The following PPARGC1B variants were observed in gnomAD, a reference collection of about 807,000 sequenced individuals.
PPARGC1B encodes the protein PPARG coactivator 1 beta, also known as peroxisome proliferator-activated receptor gamma coactivator 1-beta.
PPARGC1B carries 34 observed loss-of-function variants against 101.6 expected under a neutral mutation model. The observed-to-expected ratio is 0.33, with a 90% CI of 0.25 to 0.45. PPARGC1B has a LOEUF of 0.45. Among genes scored for constraint, PPARGC1B ranks in the 20% least tolerant of loss-of-function variants. The pLI is 1.00. For missense variants in PPARGC1B, 1,234 were observed against 1,317.6 expected (o/e 0.94, Z 0.98); for synonymous variants, 548 against 539.3 (o/e 1.02, Z -0.22).
intron 1 of PPARGC1B, among the ~76,000 whole-genome samples, chr5:149,769,462 T>G (rs1756040530): frequency 6.6e-6 from 1 of 152,188 alleles, no homozygotes; most frequent in African/African-American, 2.4e-5. Flanking sequence ...TCCCACTGAT[T>G]CGGGGAGCTC....
intron 1 of PPARGC1B, among the ~76,000 whole-genome samples, chr5:149,779,868 C>T (rs536547239): frequency 9.2e-5 from 14 of 152,282 alleles, no homozygotes; most frequent in Non-Finnish European, 2.1e-4. Context: ...AGGCTTAGTG[C>T]TCCATGATTG....
chr5:149,811,842 T>A (rs554966311), intron 1 of PPARGC1B, among the ~76,000 whole-genome samples: 42 of 152,342 alleles, frequency 2.8e-4, no homozygotes, highest in African/African-American at 8.7e-4. Flanking sequence ...GCTTTCTCCA[T>A]CCTGTTGCCC....
rs757865281 is a variant in PPARGC1B at position 149,840,085 on chromosome 5, G to A, written c.2663G>A (p.Arg888Gln). 1.7e-5 allele frequency: 28 copies of A among 1,613,794 alleles called. No homozygotes were observed. The highest frequency in any genetic ancestry group is 6.6e-5 in the South Asian group (6 of 91,038). ...TGTTCAGACAGAACGCCAAGCATCC[G>A]GCACGCCAGGAAGCGGCGGGAAAAG... ...GPCSDRTPSIRHARKRREKAI... is the reference protein window; with the variant it reads ...GPCSDRTPSIQHARKRREKAI... Residue 888 changes from arginine (R) to glutamine (Q), a missense_variant, in exon 9 of 12, where the codon CGG (arginine) becomes CAG (glutamine). Arg to Gln is a conservative substitution (Grantham distance 43, BLOSUM62 1). Coordinates refer to ENST00000309241, the MANE Select transcript of PPARGC1B (RefSeq NM_133263.4).
At chr5:149,802,688 G>A (rs1256337081) in intron 1 of PPARGC1B, among the ~76,000 whole-genome samples, 1 of 151,386 alleles carries the variant, frequency 6.6e-6, no homozygotes, top group Non-Finnish European at 1.5e-5. Flanking sequence ...CTACAGATGG[G>A]GCAGCTGGGG....
At chr5:149,806,945 T>A (rs979053904) in intron 1 of PPARGC1B, among the ~76,000 whole-genome samples, 2 of 151,632 alleles carry the variant, frequency 1.3e-5, no homozygotes, top group African/African-American at 4.9e-5. Context: ...GTACCTAACA[T>A]AAAATTTACC....
intron 8 of PPARGC1B, 135 bp from the exon 9 acceptor site, chr5:149,839,906 C>T (rs1043492485): frequency 3.6e-6 from 3 of 843,872 alleles, no homozygotes; most frequent in Admixed American, 2.0e-5. Flanking sequence ...TAGGTTTCTG[C>T]GGGAGGCAGT....
intron 1 of PPARGC1B, among the ~76,000 whole-genome samples, chr5:149,810,706 C>A (rs1026383742): frequency 1.3e-5 from 2 of 152,158 alleles, no homozygotes; most frequent in Admixed American, 6.5e-5. Flanking sequence ...GAGAAAGTGG[C>A]CTGTCTGGAA....
In PPARGC1B at chr5:149,836,432, A is replaced by C. The variant is rs139972969; in HGVS notation, c.1977A>C (p.Pro659=). Residue 659 remains proline (P), a synonymous_variant, in exon 8 of 12, where the codon CCA becomes CCC. Transcript: ENST00000309241. The part of the protein sequence containing the change: ...GAAHKLPKKH[P]ERSELLSHLR... The stretch of plus-strand genomic sequence containing the variant: ...CCCACAAGCTGCCAAAGAAGCACCC[A>C]GAGCGAAGTGAGCTCCTGTCCCACC... 154 of 1,614,102 alleles carry C rather than the reference A, an allele frequency of 9.5e-5. 2 individuals carry two copies. The African/African-American group carries it at 1.6e-3, about 17-fold the overall frequency.
chr5:149,793,878 G>A (rs538147355), intron 1 of PPARGC1B, among the ~76,000 whole-genome samples: 120 of 152,302 alleles, frequency 7.9e-4, no homozygotes, highest in Non-Finnish European at 1.6e-3. Context: ...GCACTGTGTC[G>A]GGGCAAAGGA....
chr5:149,833,711 G>A lies in PPARGC1B; in HGVS notation c.1638G>A (p.Glu546=). 1 of 1,602,412 alleles carries A rather than the reference G, an allele frequency of 6.2e-7. No individual in the cohort carries two copies. The highest frequency in any genetic ancestry group is 8.5e-7 in the Non-Finnish European group (1 of 1,176,362). Reference sequence around the variant, plus strand: ...GGGGACCCCAGATCCCTGCCCTGGAGAGCCCCTGTGAGAGTGGGTGTGGGG... The same window carrying A: ...GGGGACCCCAGATCCCTGCCCTGGAAAGCCCCTGTGAGAGTGGGTGTGGGG... ...LLRGPQIPAL[E]SPCESGCGDM... is the part of the protein sequence containing the mutation. The change falls in exon 5 of 12, where the codon GAG becomes GAA. Residue 546 remains glutamate (E), a synonymous_variant. Transcript: ENST00000309241. The surrounding 1 kb of genome is among the most constrained non-coding windows in gnomAD (Gnocchi z 4.1).
intron 1 of PPARGC1B, among the ~76,000 whole-genome samples, chr5:149,761,856 G>A (rs1484628220): frequency 6.6e-6 from 1 of 152,274 alleles, no homozygotes; most frequent in African/African-American, 2.4e-5. Context: ...GTGTTATCCC[G>A]TGGACATGTG....
At chr5:149,743,740 C>T (rs932806567) in intron 1 of PPARGC1B, among the ~76,000 whole-genome samples, 4 of 152,138 alleles carry the variant, frequency 2.6e-5, no homozygotes, top group African/African-American at 9.7e-5. Context: ...GAGTCACCTG[C>T]CCTTGTCACC....
intron 1 of PPARGC1B, among the ~76,000 whole-genome samples, chr5:149,751,033 C>T (rs1164287851): frequency 1.3e-5 from 2 of 152,194 alleles, no homozygotes; most frequent in South Asian, 2.1e-4. Context: ...TGTTTAATTG[C>T]ACTGTAATTT....
Position 149,730,310 on chromosome 5 carries a change from G to C in PPARGC1B, c.-33G>C. Reference sequence around the variant, plus strand: ...CCTCCCCCCGGGCCGGCTCGGCGTTGACTCCGCCGCACGCTGCAGCCGCGG... The same window carrying C: ...CCTCCCCCCGGGCCGGCTCGGCGTTCACTCCGCCGCACGCTGCAGCCGCGG... On this transcript the variant is annotated 5_prime_UTR_variant, in exon 1 of 12. Coordinates refer to ENST00000309241, the MANE Select transcript of PPARGC1B (RefSeq NM_133263.4). The surrounding 1 kb of genome is among the most constrained non-coding windows in gnomAD (Gnocchi z 4.0). 6 of 1,516,668 alleles carry C rather than the reference G, an allele frequency of 4.0e-6. No homozygotes were observed. The highest frequency in any genetic ancestry group is 5.3e-6 in the Non-Finnish European group (6 of 1,132,366). 94.0% of individuals were successfully genotyped at this position (1,516,668 alleles called of 1,614,324 possible). A position where few individuals can be genotyped will look rare whatever the true frequency, so the allele number is the denominator to read the frequency against.
chr5:149,833,506 G>A lies in PPARGC1B; in HGVS notation c.1433G>A (p.Arg478His), dbSNP rs773547011. The A allele has an allele frequency of 3.4e-5, 53 of 1,565,702 alleles. No homozygotes were observed. The highest frequency in any genetic ancestry group is 9.5e-5 in the Admixed American group (5 of 52,534). The change falls in exon 5 of 12, where the codon CGT becomes CAT. Residue 478 changes from arginine to histidine, a missense_variant. Physicochemically the swap from Arg to His is conservative, Grantham distance 29. Coordinates refer to ENST00000309241, the MANE Select transcript of PPARGC1B (RefSeq NM_133263.4). The surrounding 1 kb of genome is among the most constrained non-coding windows in gnomAD (Gnocchi z 4.1). ...GAGAGCTCTGTGTGCCCCGTGCGGC[G>A]TTCTCGGAGACTGAACCCTGAGCTG... is the stretch of plus-strand genomic sequence containing the variant. ...KLESSVCPVR[R>H]SRRLNPELGP...
At chr5:149,826,539 G>C in intron 2 of PPARGC1B, 134 bp from the exon 3 acceptor site, 1 of 685,400 alleles carries the variant, frequency 1.5e-6, no homozygotes, top group Non-Finnish European at 2.6e-6. Context: ...GGGCAGAGGG[G>C]AGGGTATGGC....
chr5:149,836,822 C>A lies in PPARGC1B; in HGVS notation c.2367C>A (p.Asp789Glu), dbSNP rs1759104454. ...CCTCCTGCAAGAGCCCTGAGTATGA[C>A]ACTGTCTTTGAAGACAGCAGCAGCA... ...DLASCKSPEY[D>E]TVFEDSSSSS... The change falls in exon 8 of 12, where the codon GAC (aspartate) becomes GAA (glutamate). Residue 789 changes from aspartate to glutamate, a missense_variant. Around this residue, in one of 3 missense-constraint regions of PPARGC1B, gnomAD observed 497 missense variants for 529.5 expected, o/e 0.94. Coordinates refer to ENST00000309241, the MANE Select transcript of PPARGC1B (RefSeq NM_133263.4). 6.2e-7 allele frequency: 1 copy of A among 1,613,366 alleles called. No individual in the cohort carries two copies. Among genetic ancestry groups the A allele is most frequent in the African/African-American group, 1.3e-5 (1 of 74,936 alleles).
intron 1 of PPARGC1B, among the ~76,000 whole-genome samples, chr5:149,807,167 C>T (rs562100259): frequency 7.9e-5 from 12 of 151,376 alleles, no homozygotes; most frequent in Non-Finnish European, 8.8e-5. Flanking sequence ...GGTTTTGCCA[C>T]GTTGCTCAGA....
intron 2 of PPARGC1B, among the ~76,000 whole-genome samples, chr5:149,826,233 C>T (rs1201431465): frequency 2.0e-5 from 3 of 152,136 alleles, no homozygotes; most frequent in African/African-American, 7.2e-5. Context: ...ATGGTTGAAC[C>T]CTGGAGCTTC....
Sources: allele counts gnomAD v4.1 joint callset (sites outside exome capture counted in the v4.1 genomes callset), GRCh38; gene constraint gnomAD v4.1.1; regional missense constraint gnomAD v4.1.1; non-coding constraint Gnocchi (gnomAD v3.1); transcripts MANE v1.5; gene names NCBI Gene and HGNC (gene_info 2026-07-23, HGNC 2026-07-21).